MFSD6: variants seen among roughly 807,000 people sequenced by gnomAD.
MFSD6 encodes major facilitator superfamily domain-containing protein 6.
MFSD6 carries 26 observed loss-of-function variants against 56.3 expected under a neutral mutation model. The ratio of observed to expected loss-of-function variants is 0.46; its 90% CI spans 0.34 to 0.64. The LOEUF (loss-of-function observed/expected upper bound fraction) is 0.64, where lower values mean the gene tolerates loss of function less well. Ranked by LOEUF, MFSD6 falls within the 30% of genes least tolerant of loss-of-function variation. The pLI is 0.01. For synonymous variants in MFSD6, 331 were observed against 366.9 expected, an observed-to-expected ratio of 0.90 and a Z score of 1.12; for missense variants, 750 against 986.2, an observed-to-expected ratio of 0.76 and a Z score of 3.21.
Position 190,456,694 on chromosome 2 carries a change from T to A in MFSD6, c.1533-13064T>A, listed in dbSNP as rs1687055546. Reference sequence around the variant, plus strand: ...AAGGCAAGCATCCACTTCTGATTATTTAAAGTCTGCCTGCTTGATACAGCT... The same window carrying A: ...AAGGCAAGCATCCACTTCTGATTATATAAAGTCTGCCTGCTTGATACAGCT... On this transcript the variant is annotated intron_variant, in intron 3 of 7. Coordinates refer to ENST00000392328, the MANE Select transcript of MFSD6 (RefSeq NM_017694.4). The surrounding 1 kb of genome is among the most constrained non-coding windows in gnomAD (Gnocchi z 5.4). Among the ~76,000 whole-genome samples the A allele has an allele frequency of 1.3e-5, 2 of 152,244 alleles. No homozygotes were observed. Among genetic ancestry groups the A allele is most frequent in the Non-Finnish European group, 1.5e-5 (1 of 68,040 alleles).
In MFSD6 at chr2:190,499,891, G is replaced by C. The variant is rs767508118; in HGVS notation, c.2173-124G>C. ...TCTATCCTTATTCCTCTATTACTTG[G>C]TCCCTGAAATGGGCACTTCCGGATG... is the stretch of plus-strand genomic sequence containing the variant. On this transcript the variant is annotated intron_variant, in intron 7 of 7. Coordinates refer to ENST00000392328, the MANE Select transcript of MFSD6 (RefSeq NM_017694.4). This position sits in a 1 kb window ranked among gnomAD's most constrained non-coding sequence, Gnocchi z 6.0. The C allele has an allele frequency of 1.3e-6, 2 of 1,563,636 alleles. No homozygotes were observed. The highest frequency in any genetic ancestry group is 1.9e-5 in the Admixed American group (1 of 52,488).
In MFSD6 at chr2:190,437,085, A is replaced by C; in HGVS notation, c.1056A>C (p.Glu352Asp). The change falls in exon 3 of 8, where the codon GAA (glutamate) becomes GAC (aspartate). Residue 352 changes from glutamate to aspartate, a missense_variant. Physicochemically the swap from Glu to Asp is conservative, Grantham distance 45. This residue lies in a region of MFSD6 where 376 missense variants were observed against 437.9 expected (regional missense o/e 0.86). Coordinates refer to ENST00000392328, the MANE Select transcript of MFSD6 (RefSeq NM_017694.4). The surrounding 1 kb of genome is among the most constrained non-coding windows in gnomAD (Gnocchi z 5.9). ...VGIGIDYTHIEVLIDGKGCKP... is the reference protein window; with the variant it reads ...VGIGIDYTHIDVLIDGKGCKP... Reference sequence around the variant, plus strand: ...TCGGGATCGACTACACCCACATCGAAGTGCTCATCGATGGAAAGGGGTGTA... The same window carrying C: ...TCGGGATCGACTACACCCACATCGACGTGCTCATCGATGGAAAGGGGTGTA... The C allele has an allele frequency of 1.9e-6, 3 of 1,614,234 alleles. No individual in the cohort carries two copies. Among genetic ancestry groups the C allele is most frequent in the Non-Finnish European group, 2.5e-6 (3 of 1,180,044 alleles).
chr2:190,417,691 CTT>C lies in MFSD6; in HGVS notation c.-54+2279_-54+2280del, dbSNP rs1306693866. Among the ~76,000 whole-genome samples the C allele has an allele frequency of 6.6e-6, 1 of 152,068 alleles. No homozygotes were observed. The highest frequency in any genetic ancestry group is 2.4e-5 in the African/African-American group (1 of 41,392). On this transcript the variant is annotated intron_variant, in intron 2 of 7. Transcript: ENST00000392328. The surrounding 1 kb of genome is among the most constrained non-coding windows in gnomAD (Gnocchi z 5.7). Reference sequence around the variant, plus strand: ...TGGGTGGCCTCATGTGCCCTTTAGTCTTGGGATAAATCTTTTACGGATCCTCT... The same window carrying C: ...TGGGTGGCCTCATGTGCCCTTTAGTCGGGATAAATCTTTTACGGATCCTCT...
At chr2:190,474,134 C>G (rs1486738521) in intron 4 of MFSD6, among the ~76,000 whole-genome samples, 2 of 151,680 alleles carry the variant, frequency 1.3e-5, no homozygotes, top group Non-Finnish European at 2.9e-5. Flanking sequence ...AAATTGACGC[C>G]CTAACATCAC....
intron 4 of MFSD6, among the ~76,000 whole-genome samples, chr2:190,475,577 G>C (rs1688252154): frequency 1.3e-5 from 2 of 152,132 alleles, no homozygotes; most frequent in Admixed American, 1.3e-4. Flanking sequence ...CAAACAAATG[G>C]AAGAACATTC....
Position 190,495,107 on chromosome 2 carries a change from A to G in MFSD6, c.1892-2332A>G, listed in dbSNP as rs1027921192. Among the ~76,000 whole-genome samples the G allele has an allele frequency of 5.9e-5, 9 of 152,118 alleles. No homozygotes were observed. The highest frequency in any genetic ancestry group is 2.2e-4 in the African/African-American group (9 of 41,488). On this transcript the variant is annotated intron_variant, in intron 6 of 7. Coordinates refer to ENST00000392328, the MANE Select transcript of MFSD6 (RefSeq NM_017694.4). The surrounding 1 kb of genome is among the most constrained non-coding windows in gnomAD (Gnocchi z 4.7). ...ATTGTATACCTAGAAAACCCTAAAG[A>G]CTCCTCCTAAAAGCTCTTAGAACTG...
rs769649749 is a variant in MFSD6, at chr2:190,499,790, C to T, written c.2173-225C>T. 46 of 1,503,188 alleles carry T rather than the reference C, an allele frequency of 3.1e-5. 1 individual carries two copies. The highest frequency in any genetic ancestry group is 4.8e-5 in the South Asian group (4 of 82,568). The allele number at this position is 1,503,188 out of a possible 1,614,324, so 93.1% of individuals were successfully genotyped here. A position where few individuals can be genotyped will look rare whatever the true frequency, so the allele number is the denominator to read the frequency against. On this transcript the variant is annotated intron_variant, in intron 7 of 7. Transcript: ENST00000392328. This position sits in a 1 kb window ranked among gnomAD's most constrained non-coding sequence, Gnocchi z 6.0. ...GTAATGTTCCTTTTTCCACAAGACA[C>T]GTCTGCTTATAGTGTTTGTGTTTTT...
intron 2 of MFSD6, among the ~76,000 whole-genome samples, chr2:190,429,447 T>G (rs1427531152): frequency 6.6e-6 from 1 of 151,698 alleles, no homozygotes; most frequent in African/African-American, 2.4e-5. Flanking sequence ...TGCCTCAGCC[T>G]CCCAAGCAGC....
intron 3 of MFSD6, among the ~76,000 whole-genome samples, chr2:190,453,304 A>G (rs962338942): frequency 6.6e-6 from 1 of 152,034 alleles, no homozygotes; most frequent in African/African-American, 2.4e-5. Context: ...GGGTAGGGGA[A>G]GAGGATCCTG....
chr2:190,495,840 A>C lies in MFSD6; in HGVS notation c.1892-1599A>C, dbSNP rs7573621. On this transcript the variant is annotated intron_variant, in intron 6 of 7. Transcript: ENST00000392328. This position sits in a 1 kb window ranked among gnomAD's most constrained non-coding sequence, Gnocchi z 4.7. ...CATTTCTCACCGTATAAAAAAATCA[A>C]CTCAAGATGGATCAAGGACTTAAAT... Among the ~76,000 whole-genome samples the C allele has an allele frequency of 0.23, 35,504 of 152,148 alleles. 5,056 individuals carry two copies. Among genetic ancestry groups the C allele is most frequent in the South Asian group, 0.33 (1,583 of 4,820 alleles).
intron 4 of MFSD6, among the ~76,000 whole-genome samples, chr2:190,479,811 G>A (rs1316315827): frequency 1.3e-5 from 2 of 152,150 alleles, no homozygotes; most frequent in African/African-American, 4.8e-5. Flanking sequence ...CTCTCTCTCT[G>A]TAGGATGCTC....
intron 2 of MFSD6, among the ~76,000 whole-genome samples, chr2:190,421,634 T>C (rs1201202655): frequency 6.6e-6 from 1 of 152,128 alleles, no homozygotes; most frequent in Non-Finnish European, 1.5e-5. Context: ...CCAGGCTGAG[T>C]GCAGTGGTAT....
At position 190,488,863 on chromosome 2, in the gene MFSD6, A is replaced by G. The variant is rs531557585; in HGVS notation, c.1792+45A>G. On this transcript the variant is annotated intron_variant, in intron 5 of 7. Coordinates refer to ENST00000392328, the MANE Select transcript of MFSD6 (RefSeq NM_017694.4). The surrounding 1 kb of genome is among the most constrained non-coding windows in gnomAD (Gnocchi z 6.4). Reference sequence around the variant, plus strand: ...TTTTTTTCTTTTCTATTATTAAAACATGATTTTTTCCAGCAATACCTCAAT... The same window carrying G: ...TTTTTTTCTTTTCTATTATTAAAACGTGATTTTTTCCAGCAATACCTCAAT... 2.0e-4 allele frequency: 291 copies of G among 1,482,490 alleles called. No individual in the cohort carries two copies. Among genetic ancestry groups the G allele is most frequent in the African/African-American group, 3.3e-4 (23 of 70,126 alleles). The allele number at this position is 1,482,490 out of a possible 1,614,324, so 91.8% of individuals were successfully genotyped here.
Position 190,431,492 on chromosome 2 carries a change from T to G in MFSD6, c.-53-4485T>G, listed in dbSNP as rs896515904. ...CCGAGGCTGGCGGATCACTCGCGAT[T>G]AGGAGCTGGAGACTAGCCCGGCCAA... On this transcript the variant is annotated intron_variant, in intron 2 of 7. Coordinates refer to ENST00000392328, the MANE Select transcript of MFSD6 (RefSeq NM_017694.4). The surrounding 1 kb of genome is among the most constrained non-coding windows in gnomAD (Gnocchi z 4.4). 3.3e-5 allele frequency among the ~76,000 whole-genome samples: 5 copies of G among 152,270 alleles called. No individual in the cohort carries two copies. Among genetic ancestry groups the G allele is most frequent in the African/African-American group, 1.2e-4 (5 of 41,550 alleles).
In MFSD6 at chr2:190,496,143, GA is replaced by G. The variant is rs1223271231; in HGVS notation, c.1892-1285del. Among the ~76,000 whole-genome samples, 1,777 of 141,488 alleles carry G rather than the reference GA, an allele frequency of 0.013. 42 individuals carry two copies. The highest frequency in any genetic ancestry group is 0.041 in the African/African-American group (1,581 of 38,906). 92.8% of individuals were successfully genotyped at this position (141,488 alleles called of 152,430 possible). A position where few individuals can be genotyped will look rare whatever the true frequency, so the allele number is the denominator to read the frequency against. ...ATGACGAACTCAAACAAATTAGCAAGAAAAAAAAAAACACCAAAGAGTGGAC... is the reference window on the plus strand; with the variant it reads ...ATGACGAACTCAAACAAATTAGCAAGAAAAAAAAAACACCAAAGAGTGGAC... On this transcript the variant is annotated intron_variant, in intron 6 of 7. Transcript: ENST00000392328. The surrounding 1 kb of genome is among the most constrained non-coding windows in gnomAD (Gnocchi z 4.7).
chr2:190,477,073 A>C (rs1204114065), intron 4 of MFSD6: 2 of 97,570 alleles, frequency 2.0e-5, no homozygotes, highest in East Asian at 6.8e-4. Flanking sequence ...GGGAGGGGGG[A>C]GGGATAGCAT....
At position 190,496,705 on chromosome 2, in the gene MFSD6, C is replaced by T. The variant is rs964467172; in HGVS notation, c.1892-734C>T. Reference sequence around the variant, plus strand: ...ATATACACACACACACATATACATACATACACAATGGAATACTACTCAGCC... The same window carrying T: ...ATATACACACACACACATATACATATATACACAATGGAATACTACTCAGCC... On this transcript the variant is annotated intron_variant, in intron 6 of 7. Transcript: ENST00000392328. This position sits in a 1 kb window ranked among gnomAD's most constrained non-coding sequence, Gnocchi z 4.7. Among the ~76,000 whole-genome samples the T allele has an allele frequency of 2.0e-5, 3 of 151,890 alleles. No individual in the cohort carries two copies. The highest frequency in any genetic ancestry group is 4.4e-5 in the Non-Finnish European group (3 of 67,988).
chr2:190,494,422 AAAG>A lies in MFSD6; in HGVS notation c.1892-3011_1892-3009del, dbSNP rs1252012192. On this transcript the variant is annotated intron_variant, in intron 6 of 7. Coordinates refer to ENST00000392328, the MANE Select transcript of MFSD6 (RefSeq NM_017694.4). This position sits in a 1 kb window ranked among gnomAD's most constrained non-coding sequence, Gnocchi z 5.7. ...CACAGCTGAATTCTATCAGGCATTC[AAAG>A]AAGAATTGGTACCAATCCTATTGAC... is the stretch of plus-strand genomic sequence containing the variant. 2.0e-5 allele frequency among the ~76,000 whole-genome samples: 3 copies of A among 152,038 alleles called. No homozygotes were observed. Among genetic ancestry groups the A allele is most frequent in the African/African-American group, 4.8e-5 (2 of 41,316 alleles).
At chr2:190,407,897 G>A (rs1690365264), upstream of MFSD6, among the ~76,000 whole-genome samples, 1 of 152,234 alleles carries the variant, frequency 6.6e-6, no homozygotes, top group South Asian at 2.1e-4. The surrounding 1 kb of genome is among the most constrained non-coding windows in gnomAD (Gnocchi z 5.4). Context: ...AATAAGGGAT[G>A]TTAGTACATT....
Sources: allele counts gnomAD v4.1 joint callset (sites outside exome capture counted in the v4.1 genomes callset), GRCh38; gene constraint gnomAD v4.1.1; regional missense constraint gnomAD v4.1.1; non-coding constraint Gnocchi (gnomAD v3.1); transcripts MANE v1.5; gene names NCBI Gene and HGNC (gene_info 2026-07-23, HGNC 2026-07-21).